CDKL3: variants seen among roughly 807,000 people sequenced by gnomAD.
CDKL3 encodes the protein cyclin dependent kinase like 3, also known as cyclin-dependent kinase-like 3.
CDKL3 carries 65 observed loss-of-function variants against 69.3 expected under a neutral mutation model. The ratio of observed to expected loss-of-function variants is 0.94; its 90% CI spans 0.77 to 1.15. The LOEUF (loss-of-function observed/expected upper bound fraction) is 1.15, where lower values mean the gene tolerates loss of function less well. Ranked by LOEUF, CDKL3 falls within the 50% of genes most tolerant of loss-of-function variation. CDKL3 has a pLI of 0.00. For missense variants in CDKL3, 652 were observed against 689.2 expected, an observed-to-expected ratio of 0.95 and a Z score of 0.61; for synonymous variants, 202 against 221.6, an observed-to-expected ratio of 0.91 and a Z score of 0.79.
intron 4 of CDKL3, among the ~76,000 whole-genome samples, chr5:134,326,102 A>G (rs2149502280): frequency 6.6e-6 from 1 of 152,086 alleles, no homozygotes; most frequent in South Asian, 2.1e-4. Context: ...TACTCTCTCC[A>G]CAGAATGCAA....
rs140778465 is a variant in CDKL3 at position 134,363,787 on chromosome 5, G to A, written c.165+2572C>T. Among the ~76,000 whole-genome samples the A allele has an allele frequency of 3.3e-5, 5 of 151,844 alleles. No individual in the cohort carries two copies. The East Asian group carries it at 7.7e-4, about 24-fold the overall frequency. On this transcript the variant is annotated intron_variant, in intron 2 of 12. Transcript: ENST00000265334. Reference sequence around the variant, plus strand: ...AGAGCCATTCTAATAATCCACAGATGCCTAATATATTTCCTCAAATTAGGC... The same window carrying A: ...AGAGCCATTCTAATAATCCACAGATACCTAATATATTTCCTCAAATTAGGC...
At chr5:134,369,586 T>C (rs979228700), upstream of CDKL3, among the ~76,000 whole-genome samples, 1 of 100,602 alleles carries the variant, frequency 9.9e-6, no homozygotes, top group African/African-American at 2.8e-5. Flanking sequence ...ATTACAAGGG[T>C]TTTTTTGGTT....
At chr5:134,296,409 T>C (rs1435086831), downstream of CDKL3, among the ~76,000 whole-genome samples, 2 of 152,304 alleles carry the variant, frequency 1.3e-5, no homozygotes, top group East Asian at 1.9e-4. Context: ...CAGTCATACA[T>C]ATTCAGCAGA....
In CDKL3 at chr5:134,362,333, A is replaced by C. The variant is rs565870900; in HGVS notation, c.166-2242T>G. On this transcript the variant is annotated intron_variant, in intron 2 of 12. Transcript: ENST00000265334. ...TCGGGAGTTCGAGATCAGCCTGACCAACATGGAGAAACGCTGTCTCTACTA... is the reference window on the plus strand; with the variant it reads ...TCGGGAGTTCGAGATCAGCCTGACCCACATGGAGAAACGCTGTCTCTACTA... Among the ~76,000 whole-genome samples, 12 of 152,320 alleles carry C rather than the reference A, an allele frequency of 7.9e-5. No homozygotes were observed. In the East Asian group the frequency reaches 1.9e-3, roughly 24 times the overall value.
upstream of CDKL3, among the ~76,000 whole-genome samples, chr5:134,370,027 G>A (rs911868317): frequency 6.6e-6 from 1 of 152,174 alleles, no homozygotes; most frequent in African/African-American, 2.4e-5. Flanking sequence ...CCTATCAAGA[G>A]TTAGGCCTGG....
Position 134,302,574 on chromosome 5 carries a change from A to C in CDKL3, c.1719+16T>G. On this transcript the variant is annotated intron_variant, in intron 12 of 12. Coordinates refer to ENST00000265334, the MANE Select transcript of CDKL3 (RefSeq NM_001113575.2). ...AACAACATGCCTTAGTAAAAGCTAT[A>C]TACAAAAAGAGTTACCTCTTGTTTT... 1 of 1,335,630 alleles carries C rather than the reference A, an allele frequency of 7.5e-7. No individual in the cohort carries two copies. Among genetic ancestry groups the C allele is most frequent in the South Asian group, 1.2e-5 (1 of 81,246 alleles). The allele number at this position is 1,335,630 out of a possible 1,614,324, so 82.7% of individuals were successfully genotyped here.
chr5:134,315,626 G>A (rs73289823), intron 6 of CDKL3, among the ~76,000 whole-genome samples: 21,388 of 152,048 alleles, frequency 0.14, 1,838 homozygotes, highest in African/African-American at 0.23. Context: ...AAGCCACCAC[G>A]CCTGGCCTAA....
At chr5:134,295,019 T>C (rs1170529643), downstream of CDKL3, among the ~76,000 whole-genome samples, 6 of 143,478 alleles carry the variant, frequency 4.2e-5, no homozygotes, top group Admixed American at 2.1e-4. Context: ...TTCTTTTTTT[T>C]TTTTTTTTTT....
In CDKL3 at chr5:134,366,512, A is replaced by G; in HGVS notation, c.12T>C (p.Tyr4=). ...CCTCTCCCACTTTTCCAAGGGTTTC[A>G]TACATCTCCATTTTCAAGCTGGGCT... MEM[Y]ETLGKVGEGS... is the part of the protein sequence containing the mutation. Residue 4 remains tyrosine (Y), a synonymous_variant, in exon 2 of 13, where the codon TAT becomes TAC. Coordinates refer to ENST00000265334, the MANE Select transcript of CDKL3 (RefSeq NM_001113575.2). 6.3e-7 allele frequency: 1 copy of G among 1,599,114 alleles called. No individual in the cohort carries two copies.
chr5:134,301,000 A>ATT (rs755292672), intron 12 of CDKL3, among the ~76,000 whole-genome samples: 144 of 146,290 alleles, frequency 9.8e-4, no homozygotes, highest in African/African-American at 3.4e-3. Flanking sequence ...CTATTAATGG[A>ATT]TTTTTTTTTT....
intron 2 of CDKL3, 48 bp from the exon 3 acceptor site, chr5:134,360,139 C>A: frequency 1.7e-6 from 2 of 1,207,794 alleles, no homozygotes; most frequent in Admixed American, 2.5e-5. Flanking sequence ...TCAAGCCTAA[C>A]AATTTGTACA....
At chr5:134,301,569 T>C (rs1470540097) in intron 12 of CDKL3, among the ~76,000 whole-genome samples, 1 of 148,902 alleles carries the variant, frequency 6.7e-6, no homozygotes, top group African/African-American at 2.5e-5. Context: ...AAAACTGTAA[T>C]AAATTTTATT....
intron 4 of CDKL3, among the ~76,000 whole-genome samples, chr5:134,347,055 AG>A (rs1178814724): frequency 6.6e-6 from 1 of 152,202 alleles, no homozygotes; most frequent in Non-Finnish European, 1.5e-5. Flanking sequence ...TAAATTAAAA[AG>A]AGATGATAAA....
At chr5:134,358,154 G>A (rs536005394) in intron 3 of CDKL3, among the ~76,000 whole-genome samples, 1 of 152,334 alleles carries the variant, frequency 6.6e-6, no homozygotes, top group East Asian at 1.9e-4. Flanking sequence ...CCACCCTCCT[G>A]TGGGTAAATT....
In CDKL3 at chr5:134,308,284, T is replaced by C; in HGVS notation, c.1218A>G (p.Pro406=). 6.2e-7 allele frequency: 1 copy of C among 1,613,992 alleles called. No homozygotes were observed. The highest frequency in any genetic ancestry group is 8.5e-7 in the Non-Finnish European group (1 of 1,179,870). ...AGTTAGTGCTGGGATTGATAGGGTT[T>C]GGTGGTTCAATGGTTACAAGTTTTG... ...PDTKLVTIEP[P]NPINPSTNCN... is the part of the protein sequence containing the mutation. The change falls in exon 9 of 13, where the codon CCA becomes CCG. Residue 406 remains proline, a synonymous_variant. Transcript: ENST00000265334.
chr5:134,322,483 T>C (rs1773059396), intron 4 of CDKL3, among the ~76,000 whole-genome samples: 1 of 152,230 alleles, frequency 6.6e-6, no homozygotes, highest in African/African-American at 2.4e-5. Flanking sequence ...AAATTGTATA[T>C]ATTTTTTATT....
downstream of CDKL3, among the ~76,000 whole-genome samples, chr5:134,296,338 T>C (rs188774519): frequency 1.6e-4 from 25 of 152,300 alleles, no homozygotes; most frequent in Admixed American, 1.4e-3. Context: ...AGGTGCTTTC[T>C]CTTCAAAGAG....
At chr5:134,343,827 C>T (rs1163412008) in intron 4 of CDKL3, among the ~76,000 whole-genome samples, 2 of 152,186 alleles carry the variant, frequency 1.3e-5, no homozygotes, top group Non-Finnish European at 1.5e-5. Context: ...TCCTTAAAAA[C>T]TCTGCTCCCT....
At chr5:134,287,825 C>T (rs958308484) in intron 8 of CDKL3, among the ~76,000 whole-genome samples, 2 of 152,138 alleles carry the variant, frequency 1.3e-5, no homozygotes, top group Non-Finnish European at 2.9e-5. Flanking sequence ...TTCCATAAAA[C>T]CTGGATCTGC....
Sources: allele counts gnomAD v4.1 joint callset (sites outside exome capture counted in the v4.1 genomes callset), GRCh38; gene constraint gnomAD v4.1.1; transcripts MANE v1.5; gene names NCBI Gene and HGNC (gene_info 2026-07-23, HGNC 2026-07-21).